Variants in RPE observed in about 807,000 individuals in gnomAD.
RPE encodes ribulose-phosphate 3-epimerase.
RPE carries 16 observed loss-of-function variants against 24.6 expected under a neutral mutation model. The observed-to-expected ratio is 0.65, with a 90% CI of 0.44 to 0.99. The LOEUF (loss-of-function observed/expected upper bound fraction) is 0.99. Ranked by LOEUF, RPE falls within the 50% of genes least tolerant of loss-of-function variation. RPE has a pLI of 0.00. For synonymous variants in RPE, 93 were observed against 98.4 expected (o/e 0.94, Z 0.33); for missense variants, 240 against 294.5 (o/e 0.81, Z 1.35).
chr2:210,019,188 A>C (rs540151195), intron 5 of RPE, among the ~76,000 whole-genome samples: 4 of 152,210 alleles, frequency 2.6e-5, no homozygotes, highest in Non-Finnish European at 5.9e-5. Context: ...CTATTTTTTG[A>C]CACAAAAACG....
Position 210,020,565 on chromosome 2 carries a change from C to G in RPE, c.*774C>G, listed in dbSNP as rs1472412398. The G allele has an allele frequency of 6.0e-6, 1 of 166,814 alleles. No homozygotes were observed. The highest frequency in any genetic ancestry group is 1.5e-5 in the Non-Finnish European group (1 of 68,084). The allele number at this position is 166,814 out of a possible 1,614,324, so 10.3% of individuals were successfully genotyped here. ...ATCACCCAATCTTTTTTGTGTTTCT[C>G]TAAAGTCATTTATACATTAAATGTA... On this transcript the variant is annotated 3_prime_UTR_variant, in exon 6 of 6. Transcript: ENST00000359429.
At position 210,015,956 on chromosome 2, in the gene RPE, G is replaced by C. The variant is rs748041888; in HGVS notation, c.203-17G>C. 14 of 1,610,628 alleles carry C rather than the reference G, an allele frequency of 8.7e-6. No individual in the cohort carries two copies. The highest frequency in any genetic ancestry group is 1.7e-4 in the Middle Eastern group (1 of 6,026). On this transcript the variant is annotated splice_polypyrimidine_tract_variant and intron_variant, in intron 2 of 5. Transcript: ENST00000359429. The stretch of plus-strand genomic sequence containing the variant: ...AGGTATTTTTCAGTAATATTTTGAA[G>C]TGTCTTTTCTTTCTAGACATGCACA...
intron 5 of RPE, chr2:210,018,354 T>A: frequency 3.6e-6 from 5 of 1,399,830 alleles, no homozygotes; most frequent in Non-Finnish European, 4.6e-6. Flanking sequence ...CTAGGCCTGA[T>A]ACCTCTTTGG....
At chr2:210,016,324 A>T (rs914665975) in intron 3 of RPE, 183 bp from the exon 4 acceptor site, 4 of 1,589,796 alleles carry the variant, frequency 2.5e-6, no homozygotes, top group Non-Finnish European at 3.4e-6. Flanking sequence ...TCTTTGTCAC[A>T]TAGCATTTAT....
chr2:210,020,471 TAAA>T lies in RPE; in HGVS notation c.*682_*684del. On this transcript the variant is annotated 3_prime_UTR_variant, in exon 6 of 6. Transcript: ENST00000359429. The stretch of plus-strand genomic sequence containing the variant: ...TTAGCTCTGAGTAGAAAGGAAAAAG[TAAA>T]ACCTCTGTTTGGAGGTAATATTGGG... 6.0e-6 allele frequency: 1 copy of T among 166,942 alleles called. No individual in the cohort carries two copies. Among genetic ancestry groups the T allele is most frequent in the Non-Finnish European group, 1.5e-5 (1 of 68,070 alleles). The allele number at this position is 166,942 out of a possible 1,614,324, so 10.3% of individuals were successfully genotyped here.
chr2:210,005,433 G>A (rs2093617410), intron 1 of RPE, among the ~76,000 whole-genome samples: 1 of 152,116 alleles, frequency 6.6e-6, no homozygotes, highest in African/African-American at 2.4e-5. Flanking sequence ...AGCATGACTG[G>A]ATATGTGAAA....
chr2:210,018,779 C>T (rs921331724), intron 5 of RPE: 8 of 783,534 alleles, frequency 1.0e-5, no homozygotes, highest in Non-Finnish European at 1.2e-5. Flanking sequence ...ATATGAAGAA[C>T]TCCCACAAGC....
At position 210,002,920 on chromosome 2, in the gene RPE, G is replaced by T. The variant is rs946612743; in HGVS notation, c.122+137G>T. ...TGAACGCGATGCTAGAAGGGGTGTG[G>T]GGTAGGAGCCCTGGAGGCTCTAGCA... On this transcript the variant is annotated intron_variant, in intron 1 of 5. Coordinates refer to ENST00000359429, the MANE Select transcript of RPE (RefSeq NM_199229.3). The T allele has an allele frequency of 2.6e-6, 4 of 1,532,006 alleles. No individual in the cohort carries two copies. In the African/African-American group the frequency reaches 4.2e-5, roughly 16 times the overall value. 94.9% of individuals were successfully genotyped at this position (1,532,006 alleles called of 1,614,324 possible).
chr2:210,019,532 T>C, intron 5 of RPE, 137 bp from the exon 6 acceptor site: 3 of 1,013,958 alleles, frequency 3.0e-6, no homozygotes, highest in Middle Eastern at 2.2e-4. Flanking sequence ...ATTGCTTAAG[T>C]CTGCTTAATC....
At chr2:210,017,822 G>A in intron 5 of RPE, 2 of 571,168 alleles carry the variant, frequency 3.5e-6, no homozygotes, top group South Asian at 1.7e-5. Flanking sequence ...TCTGCTCACT[G>A]CAATCTCTGC....
chr2:210,003,244 C>CACT (rs1329859267), intron 1 of RPE, among the ~76,000 whole-genome samples: 1 of 152,164 alleles, frequency 6.6e-6, no homozygotes, highest in Non-Finnish European at 1.5e-5. Flanking sequence ...TTGGACAAGC[C>CACT]ACTAACCTCA....
chr2:210,019,459 C>T (rs886874326), intron 5 of RPE, among the ~76,000 whole-genome samples: 1 of 152,158 alleles, frequency 6.6e-6, no homozygotes, highest in Non-Finnish European at 1.5e-5. Context: ...ATTTCTTAGA[C>T]ACATTTAAAA....
chr2:210,005,469 G>GA (rs952118728), intron 1 of RPE, among the ~76,000 whole-genome samples: 2 of 151,894 alleles, frequency 1.3e-5, no homozygotes, highest in African/African-American at 4.8e-5. Flanking sequence ...TTCTCTGGGG[G>GA]AAAAAAACCC....
intron 5 of RPE, chr2:210,018,109 G>A: frequency 6.7e-7 from 1 of 1,491,864 alleles, no homozygotes; most frequent in Non-Finnish European, 8.9e-7. Context: ...TCTCAGGAAG[G>A]CTGAAGAAAG....
Position 210,002,644 on chromosome 2 carries a change from C to T in RPE, c.-18C>T, listed in dbSNP as rs199555057. 3.0e-3 allele frequency: 4,820 copies of T among 1,610,608 alleles called. 78 individuals are homozygous for T. In the African/African-American group the frequency reaches 0.034, roughly 11 times the overall value. On this transcript the variant is annotated 5_prime_UTR_variant, in exon 1 of 6. Coordinates refer to ENST00000359429, the MANE Select transcript of RPE (RefSeq NM_199229.3). ...TTGCCGGGGACTCGTGGGTAACTTGCTTTTGGGAGCCAGCGGTATGGCGTC... is the reference window on the plus strand; with the variant it reads ...TTGCCGGGGACTCGTGGGTAACTTGTTTTTGGGAGCCAGCGGTATGGCGTC...
rs199691485 is a variant in RPE, at chr2:210,010,930, T to G, written c.202+1194T>G. 3.4e-5 allele frequency among the ~76,000 whole-genome samples: 5 copies of G among 149,198 alleles called. No homozygotes were observed. In the East Asian group the frequency reaches 1.1e-3, roughly 32 times the overall value. On this transcript the variant is annotated intron_variant, in intron 2 of 5. Transcript: ENST00000359429. The stretch of plus-strand genomic sequence containing the variant: ...GACACTCCATGTCAAAAAAAAAAAA[T>G]TTTTTTTAAATTAAATAACATAAAC...
chr2:210,016,522 A>G lies in RPE; in HGVS notation c.358A>G (p.Lys120Glu). 6.2e-7 allele frequency: 1 copy of G among 1,614,278 alleles called. No individual in the cohort carries two copies. Among genetic ancestry groups the G allele is most frequent in the Non-Finnish European group, 8.5e-7 (1 of 1,180,050 alleles). Residue 120 changes from lysine to glutamate, a missense_variant, in exon 4 of 6, where the codon AAA becomes GAA. By Grantham distance (56) the Lys-to-Glu change is moderately conservative. Transcript: ENST00000359429. ...TCTGTTACAGGTTGGCCTTGCCATC[A>G]AACCAGGAACCTCAGTTGAGTATTT... ...ENGMKVGLAIKPGTSVEYLAP... is the reference protein window; with the variant it reads ...ENGMKVGLAIEPGTSVEYLAP...
intron 1 of RPE, among the ~76,000 whole-genome samples, chr2:210,005,426 A>G (rs2093617294): frequency 1.3e-5 from 2 of 152,190 alleles, no homozygotes; most frequent in South Asian, 2.1e-4. Context: ...GAGCACTAGC[A>G]TGACTGGATA....
rs1014580316 is a variant in RPE, at chr2:210,021,837, T to C, written c.*2046T>C. On this transcript the variant is annotated 3_prime_UTR_variant, in exon 6 of 6. Transcript: ENST00000359429. ...TTCATGTATACTCTTCAGTATCCAA[T>C]ATTGAAGCTTTGTTCTTTGAAAAAT... 6.6e-6 allele frequency: 1 copy of C among 151,684 alleles called. No homozygotes were observed. The highest frequency in any genetic ancestry group is 1.5e-5 in the Non-Finnish European group (1 of 67,870). 9.4% of individuals were successfully genotyped at this position (151,684 alleles called of 1,614,324 possible). A position where few individuals can be genotyped will look rare whatever the true frequency, so the allele number is the denominator to read the frequency against.
Sources: allele counts gnomAD v4.1 joint callset (sites outside exome capture counted in the v4.1 genomes callset), GRCh38; gene constraint gnomAD v4.1.1; transcripts MANE v1.5; gene names NCBI Gene and HGNC (gene_info 2026-07-23, HGNC 2026-07-21).